The following NEK5 variants were observed in gnomAD, a reference collection of about 807,000 sequenced individuals.
NEK5 encodes the protein NIMA related kinase 5.
In NEK5, 88 loss-of-function variants were observed where a neutral mutation model predicts 109.2. The observed-to-expected ratio is 0.81, with a 90% confidence interval of 0.68 to 0.96. The LOEUF is 0.96. NEK5 is among the 40% of genes least tolerant of loss of function. The pLI, the probability that NEK5 is intolerant of heterozygous loss-of-function variation, is 0.00. For missense variants in NEK5, 834 were observed against 920.7 expected, an observed-to-expected ratio of 0.91 and a Z score of 1.22; for synonymous variants, 283 against 299.9, an observed-to-expected ratio of 0.94 and a Z score of 0.58.
chr13:52,114,618 T>C (rs994474372), intron 4 of NEK5, among the ~76,000 whole-genome samples: 1 of 152,132 alleles, frequency 6.6e-6, no homozygotes, highest in Non-Finnish European at 1.5e-5. Flanking sequence ...GGAGGCGAAG[T>C]CTAGTTGGGG....
intron 12 of NEK5, among the ~76,000 whole-genome samples, chr13:52,098,216 C>T (rs1291353647): frequency 6.6e-6 from 1 of 151,964 alleles, no homozygotes; most frequent in African/African-American, 2.4e-5. Flanking sequence ...TGAGCTGAGA[C>T]ATGCCACTGC....
chr13:52,078,318 T>C (rs987732393), intron 17 of NEK5, among the ~76,000 whole-genome samples: 1 of 152,158 alleles, frequency 6.6e-6, no homozygotes, highest in Non-Finnish European at 1.5e-5. Context: ...ACAGCACGAC[T>C]CCATTTATGT....
At chr13:52,092,853 T>C (rs531407996) in intron 13 of NEK5, among the ~76,000 whole-genome samples, 1 of 152,314 alleles carries the variant, frequency 6.6e-6, no homozygotes, top group South Asian at 2.1e-4. Flanking sequence ...GCCACCGCAC[T>C]CTAGCCTAGG....
At chr13:52,090,521 A>T (rs1955257020) in intron 13 of NEK5, among the ~76,000 whole-genome samples, 1 of 152,244 alleles carries the variant, frequency 6.6e-6, no homozygotes, top group South Asian at 2.1e-4. Context: ...CGAGGATTAG[A>T]AGAGATTAGG....
rs749570169 is a variant in NEK5, at chr13:52,099,823, T to A, written c.946A>T (p.Ile316Leu). The A allele has an allele frequency of 3.1e-5, 50 of 1,613,822 alleles. No homozygotes were observed. The highest frequency in any genetic ancestry group is 4.2e-5 in the Non-Finnish European group (49 of 1,179,812). The change falls in exon 12 of 24, where the codon ATA becomes TTA. Residue 316 changes from isoleucine to leucine, a missense_variant. Transcript: ENST00000684899. ...GCATTCCTTTTAATTGGCACAGATATCCTTGATCTTGGTGGGCACTTTCCC... is the reference window on the plus strand; with the variant it reads ...GCATTCCTTTTAATTGGCACAGATAACCTTGATCTTGGTGGGCACTTTCCC... ...FQGKCPPRSR[I>L]SVPIKRNAIL...
chr13:52,055,735 G>A (rs1222926478), intron 22 of NEK5, among the ~76,000 whole-genome samples: 1 of 151,992 alleles, frequency 6.6e-6, no homozygotes, highest in Non-Finnish European at 1.5e-5. Flanking sequence ...ATACTTTACA[G>A]ACAAGCAAAT....
chr13:52,121,950 T>A (rs995440432), intron 3 of NEK5, among the ~76,000 whole-genome samples: 15 of 151,596 alleles, frequency 9.9e-5, no homozygotes, highest in Non-Finnish European at 2.1e-4. Flanking sequence ...TTTTTTTTTT[T>A]AAGACAGAGT....
intron 4 of NEK5, among the ~76,000 whole-genome samples, chr13:52,117,310 C>T (rs1383152053): frequency 3.3e-5 from 5 of 152,178 alleles, no homozygotes; most frequent in Non-Finnish European, 4.4e-5. Context: ...TTTACCTACA[C>T]TCTCTAAAAG....
At chr13:52,092,183 T>C (rs1955297413) in intron 13 of NEK5, among the ~76,000 whole-genome samples, 1 of 152,134 alleles carries the variant, frequency 6.6e-6, no homozygotes, top group Admixed American at 6.6e-5. Context: ...ATTTATCAAT[T>C]ACTTATCAAT....
chr13:52,044,147 T>C (rs1308973796), intron 23 of NEK5, among the ~76,000 whole-genome samples: 3 of 152,238 alleles, frequency 2.0e-5, no homozygotes, highest in South Asian at 4.1e-4. Flanking sequence ...CTATGCTGGA[T>C]GCTTCCTGCC....
intron 15 of NEK5, 54 bp from the exon 16 acceptor site, chr13:52,086,417 A>T (rs1303320225): frequency 9.5e-7 from 1 of 1,057,362 alleles, no homozygotes. Flanking sequence ...ACCATAACAA[A>T]AATAATCTTT....
At chr13:52,080,254 CGGGA>C (rs1566764282) in intron 17 of NEK5, among the ~76,000 whole-genome samples, 1 of 141,598 alleles carries the variant, frequency 7.1e-6, no homozygotes, top group African/African-American at 2.5e-5. Flanking sequence ...CCGCCCCATC[CGGGA>C]GGGAGGTGGG....
chr13:52,081,870 C>T lies in NEK5; in HGVS notation c.1572+1390G>A, dbSNP rs146343414. 2.8e-3 allele frequency among the ~76,000 whole-genome samples: 421 copies of T among 152,258 alleles called. 5 individuals are homozygous for T. Among genetic ancestry groups the T allele is most frequent in the African/African-American group, 9.3e-3 (386 of 41,548 alleles). The stretch of plus-strand genomic sequence containing the variant: ...AAAAACATGTCTGTAACATCTGAGC[C>T]GTGTTTTTATGGAATGTGACTGTGA... On this transcript the variant is annotated intron_variant, in intron 17 of 23. Coordinates refer to ENST00000684899, the MANE Select transcript of NEK5 (RefSeq NM_001365552.1).
At chr13:52,045,332 G>A (rs185185388) in intron 23 of NEK5, among the ~76,000 whole-genome samples, 3 of 149,726 alleles carry the variant, frequency 2.0e-5, no homozygotes, top group East Asian at 2.0e-4. Flanking sequence ...GGGTTTCACC[G>A]TGTTAGCCAG....
intron 3 of NEK5, among the ~76,000 whole-genome samples, chr13:52,125,431 C>T (rs994623337): frequency 5.3e-5 from 8 of 152,110 alleles, no homozygotes; most frequent in African/African-American, 1.2e-4. Context: ...GGCGTGGTGG[C>T]GGGCGCCTGT....
intron 23 of NEK5, among the ~76,000 whole-genome samples, chr13:52,041,518 A>G (rs2140884630): frequency 6.6e-6 from 1 of 152,154 alleles, no homozygotes; most frequent in Non-Finnish European, 1.5e-5. Flanking sequence ...GCCTGAGGTC[A>G]GGAGTTCGAG....
At position 52,110,374 on chromosome 13, in the gene NEK5, G is replaced by C; in HGVS notation, c.433C>G (p.Leu145Val). The stretch of plus-strand genomic sequence containing the variant: ...ACTCTTGCTATACCAAAGTCCCCAA[G>C]CTTTGCCACCATTCCGTTCTTGCTA... ...FLSKNGMVAK[L>V]GDFGIARVLN... Residue 145 changes from leucine (L) to valine (V), a missense_variant, in exon 7 of 24, where the codon CTT (leucine) becomes GTT (valine). Coordinates refer to ENST00000684899, the MANE Select transcript of NEK5 (RefSeq NM_001365552.1). 6.2e-7 allele frequency: 1 copy of C among 1,613,310 alleles called. No homozygotes were observed. Among genetic ancestry groups the C allele is most frequent in the Non-Finnish European group, 8.5e-7 (1 of 1,179,314 alleles).
chr13:52,129,010 G>A lies in NEK5; in HGVS notation c.-91+19C>T, dbSNP rs2138176986. 1 of 152,420 alleles carries A rather than the reference G, an allele frequency of 6.6e-6. No homozygotes were observed. Among genetic ancestry groups the A allele is most frequent in the East Asian group, 1.9e-4 (1 of 5,160 alleles). 9.4% of individuals were successfully genotyped at this position (152,420 alleles called of 1,614,324 possible). On this transcript the variant is annotated intron_variant, in intron 1 of 23. Coordinates refer to ENST00000684899, the MANE Select transcript of NEK5 (RefSeq NM_001365552.1). ...TGGCGGCTCCGGGCAAGAACTAAGG[G>A]CGGCCCCTGCAAGCGTACCTGCTCC...
intron 17 of NEK5, among the ~76,000 whole-genome samples, chr13:52,081,753 T>C (rs918317797): frequency 6.6e-6 from 1 of 152,240 alleles, no homozygotes; most frequent in Non-Finnish European, 1.5e-5. Context: ...TACAAACTTT[T>C]TGAGGCTTCC....
Sources: allele counts gnomAD v4.1 joint callset (sites outside exome capture counted in the v4.1 genomes callset), GRCh38; gene constraint gnomAD v4.1.1; transcripts MANE v1.5; gene names NCBI Gene and HGNC (gene_info 2026-07-23, HGNC 2026-07-21).